The following TNPO1 variants were observed in gnomAD, a reference collection of about 807,000 sequenced individuals.
TNPO1 encodes transportin-1.
TNPO1 carries 8 observed loss-of-function variants against 119.5 expected under a neutral mutation model. That is an observed-to-expected ratio of 0.07 (90% confidence interval 0.04 to 0.12). TNPO1 has a LOEUF of 0.12. Among genes scored for constraint, TNPO1 ranks in the 10% least tolerant of loss-of-function variants. TNPO1 has a pLI of 1.00. For synonymous variants in TNPO1, 362 were observed against 363.0 expected (o/e 1.00, Z 0.03); for missense variants, 576 against 1,089.8 (o/e 0.53, Z 6.64).
Position 72,897,165 on chromosome 5 carries a change from G to GA in TNPO1, c.2338+16dup. 6.4e-7 allele frequency: 1 copy of GA among 1,566,820 alleles called. No individual in the cohort carries two copies. The highest frequency in any genetic ancestry group is 8.7e-7 in the Non-Finnish European group (1 of 1,156,062). ...TAGAGAATACAGGTACCATATGACT[G>GA]AACTGTTTCAGTGAAGAGAAAATTT... On this transcript the variant is annotated intron_variant, in intron 20 of 24. Coordinates refer to ENST00000337273, the MANE Select transcript of TNPO1 (RefSeq NM_002270.4).
intron 1 of TNPO1, among the ~76,000 whole-genome samples, chr5:72,836,853 G>A (rs549215903): frequency 5.9e-5 from 9 of 152,172 alleles, no homozygotes; most frequent in Non-Finnish European, 8.8e-5. Context: ...ACACAATTCA[G>A]CAAAGTTCTT....
intron 3 of TNPO1, among the ~76,000 whole-genome samples, chr5:72,852,181 T>C (rs906001987): frequency 6.6e-6 from 1 of 152,206 alleles, no homozygotes; most frequent in Non-Finnish European, 1.5e-5. Context: ...ACATGAAACT[T>C]TTTCATGACT....
chr5:72,889,711 C>T, intron 13 of TNPO1, 75 bp from the exon 14 acceptor site: 1 of 1,468,310 alleles, frequency 6.8e-7, no homozygotes, highest in Non-Finnish European at 9.1e-7. Context: ...TAAAACAGAA[C>T]ATAAACATTT....
intron 2 of TNPO1, among the ~76,000 whole-genome samples, chr5:72,850,522 G>A (rs575248089): frequency 5.4e-4 from 82 of 152,188 alleles, no homozygotes; most frequent in Admixed American, 1.7e-3. Context: ...TAATCTTTCT[G>A]TGTAGTAAAA....
intron 1 of TNPO1, among the ~76,000 whole-genome samples, chr5:72,842,607 A>C (rs1744962603): frequency 6.6e-6 from 1 of 152,194 alleles, no homozygotes; most frequent in Non-Finnish European, 1.5e-5. Flanking sequence ...TTCCCCTAAC[A>C]AACTGGAATT....
At chr5:72,825,970 T>G (rs1744191383) in intron 1 of TNPO1, 1 of 152,410 alleles carries the variant, frequency 6.6e-6, no homozygotes, top group African/African-American at 2.4e-5. Flanking sequence ...CCACTCCACT[T>G]TCTCCTTACC....
At chr5:72,859,783 T>C (rs752471649) in intron 4 of TNPO1, among the ~76,000 whole-genome samples, 3 of 152,248 alleles carry the variant, frequency 2.0e-5, no homozygotes, top group Non-Finnish European at 4.4e-5. Context: ...TCAAAGTGTG[T>C]TTAAACATTT....
At chr5:72,894,801 T>C (rs896051380) in intron 18 of TNPO1, among the ~76,000 whole-genome samples, 8 of 152,238 alleles carry the variant, frequency 5.3e-5, no homozygotes, top group African/African-American at 1.7e-4. Context: ...TTAATTATGA[T>C]ATATTAAGAA....
chr5:72,849,013 G>T (rs1463134669), intron 2 of TNPO1, among the ~76,000 whole-genome samples: 1 of 152,174 alleles, frequency 6.6e-6, no homozygotes, highest in African/African-American at 2.4e-5. Flanking sequence ...AACTGCAGCT[G>T]TGTGGGTCTT....
chr5:72,896,591 C>G, intron 19 of TNPO1, 35 bp downstream of exon 19: 2 of 1,559,378 alleles, frequency 1.3e-6, no homozygotes, highest in Non-Finnish European at 1.8e-6. Context: ...AGCATAAGGC[C>G]TGGCGCGGTG....
At position 72,889,349 on chromosome 5, in the gene TNPO1, C is replaced by T. The variant is rs578170444; in HGVS notation, c.1530-437C>T. Among the ~76,000 whole-genome samples, 4 of 152,174 alleles carry T rather than the reference C, an allele frequency of 2.6e-5. No homozygotes were observed. In the South Asian group the frequency reaches 8.3e-4, roughly 32 times the overall value. ...CTGGGATTGCAGGCGTGAGCCACCG[C>T]GCCTGGCAGGGATAGTAAATTTGAG... On this transcript the variant is annotated intron_variant, in intron 13 of 24. Transcript: ENST00000337273.
rs1750701441 is a variant in TNPO1 at position 72,913,616 on chromosome 5, A to G, written c.*4943A>G. On this transcript the variant is annotated 3_prime_UTR_variant, in exon 25 of 25. Transcript: ENST00000337273. ...ATTGCAGTTTTTGTTTATCTGCCAT[A>G]GAATTTCCTTATACTGTGGCTTGGT... 1.3e-5 allele frequency: 2 copies of G among 152,542 alleles called. No individual in the cohort carries two copies. The highest frequency in any genetic ancestry group is 4.1e-4 in the South Asian group (2 of 4,836). 9.4% of individuals were successfully genotyped at this position (152,542 alleles called of 1,614,324 possible).
chr5:72,878,009 T>TG (rs1469114035), intron 9 of TNPO1, among the ~76,000 whole-genome samples: 1 of 152,166 alleles, frequency 6.6e-6, no homozygotes, highest in African/African-American at 2.4e-5. Context: ...TACTATTTAA[T>TG]GGTTTGTTCT....
At chr5:72,875,542 C>A in intron 7 of TNPO1, 73 bp from the exon 8 acceptor site, 3 of 1,521,018 alleles carry the variant, frequency 2.0e-6, no homozygotes, top group Non-Finnish European at 2.7e-6. Flanking sequence ...TTAAATGTCA[C>A]CAACTTGCAG....
chr5:72,908,943 A>C lies in TNPO1; in HGVS notation c.*270A>C. ...TTACAACTCCGCAGTGGATGTGAAG[A>C]AGCAAAAAAAAAAAAATCTATTCAG... On this transcript the variant is annotated 3_prime_UTR_variant, in exon 25 of 25. Coordinates refer to ENST00000337273, the MANE Select transcript of TNPO1 (RefSeq NM_002270.4). 1 of 450,024 alleles carries C rather than the reference A, an allele frequency of 2.2e-6. No individual in the cohort carries two copies. The highest frequency in any genetic ancestry group is 1.6e-5 in the South Asian group (1 of 63,300). 27.9% of individuals were successfully genotyped at this position (450,024 alleles called of 1,614,324 possible). A position where few individuals can be genotyped will look rare whatever the true frequency, so the allele number is the denominator to read the frequency against.
chr5:72,875,742 C>T lies in TNPO1; in HGVS notation c.801+5C>T. ...CACATGCATAATATAGTTGAGGTAA[C>T]ACTGGCAATTTAAAGGCTCTTTCAT... is the stretch of plus-strand genomic sequence containing the variant. On this transcript the variant is annotated splice_donor_5th_base_variant and intron_variant, in intron 8 of 24. Coordinates refer to ENST00000337273, the MANE Select transcript of TNPO1 (RefSeq NM_002270.4). 1 of 1,592,090 alleles carries T rather than the reference C, an allele frequency of 6.3e-7. No homozygotes were observed. The highest frequency in any genetic ancestry group is 8.6e-7 in the Non-Finnish European group (1 of 1,163,328).
intron 1 of TNPO1, among the ~76,000 whole-genome samples, chr5:72,841,483 C>T (rs1037629122): frequency 2.9e-4 from 44 of 151,634 alleles, no homozygotes; most frequent in African/African-American, 1.1e-3. Flanking sequence ...TCCTAAGTAG[C>T]TGAGATTACA....
At chr5:72,882,078 T>A (rs916374147) in intron 9 of TNPO1, among the ~76,000 whole-genome samples, 2 of 152,212 alleles carry the variant, frequency 1.3e-5, no homozygotes, top group Non-Finnish European at 2.9e-5. Context: ...CTGTTAGTGA[T>A]CCAGATACAC....
chr5:72,866,039 T>G (rs1054194029), intron 6 of TNPO1, among the ~76,000 whole-genome samples: 1 of 112,926 alleles, frequency 8.9e-6, no homozygotes, highest in Non-Finnish European at 2.0e-5. Context: ...TGTGGGTTTT[T>G]TGTTTTTGTT....
Sources: allele counts gnomAD v4.1 joint callset (sites outside exome capture counted in the v4.1 genomes callset), GRCh38; gene constraint gnomAD v4.1.1; transcripts MANE v1.5; gene names NCBI Gene and HGNC (gene_info 2026-07-23, HGNC 2026-07-21).